Variants in TMEM135 observed in about 807,000 individuals in gnomAD.
TMEM135 encodes transmembrane protein 135, also known as peroxisomal membrane protein 52.
A neutral mutation model predicts 60.3 loss-of-function variants in TMEM135; 30 were observed. That is an observed-to-expected ratio of 0.50 (90% confidence interval 0.37 to 0.68). The LOEUF (loss-of-function observed/expected upper bound fraction) is 0.68, where lower values mean the gene tolerates loss of function less well. Ranked by LOEUF, TMEM135 falls within the 30% of genes least tolerant of loss-of-function variation. TMEM135 has a pLI of 0.00. For missense variants in TMEM135, 468 were observed against 548.8 expected (o/e 0.85, Z 1.47); for synonymous variants, 190 against 186.7 (o/e 1.02, Z -0.14).
At chr11:87,242,420 T>G (rs1238466077) in intron 6 of TMEM135, among the ~76,000 whole-genome samples, 2 of 134,962 alleles carry the variant, frequency 1.5e-5, no homozygotes, top group Non-Finnish European at 3.2e-5. Flanking sequence ...CCCTGAGGAA[T>G]CGCCACACTG....
intron 9 of TMEM135, among the ~76,000 whole-genome samples, chr11:87,306,689 T>A (rs1942549081): frequency 6.6e-6 from 1 of 152,120 alleles, no homozygotes; most frequent in Non-Finnish European, 1.5e-5. Context: ...ATGGCACAGG[T>A]GGCACCACCT....
intron 5 of TMEM135, among the ~76,000 whole-genome samples, chr11:87,190,549 C>T (rs1203989978): frequency 6.6e-6 from 1 of 151,972 alleles, no homozygotes; most frequent in East Asian, 1.9e-4. Context: ...TTGGCAATCA[C>T]TGTGAGACAA....
chr11:87,224,973 C>T (rs1339671470), intron 5 of TMEM135, among the ~76,000 whole-genome samples: 1 of 151,994 alleles, frequency 6.6e-6, no homozygotes, highest in Non-Finnish European at 1.5e-5. Context: ...ATGCTTCTTA[C>T]ATTGCTGTTC....
Position 87,322,582 on chromosome 11 carries a change from G to C in TMEM135, c.*1249G>C. 1 of 453,920 alleles carries C rather than the reference G, an allele frequency of 2.2e-6. No homozygotes were observed. The allele number at this position is 453,920 out of a possible 1,614,324, so 28.1% of individuals were successfully genotyped here. Reference sequence around the variant, plus strand: ...TGGTCTACAGTTAATGTGACATGTAGGGATGATGATATTTTTAAAATACAT... The same window carrying C: ...TGGTCTACAGTTAATGTGACATGTACGGATGATGATATTTTTAAAATACAT... On this transcript the variant is annotated 3_prime_UTR_variant, in exon 15 of 15. Coordinates refer to ENST00000305494, the MANE Select transcript of TMEM135 (RefSeq NM_022918.4).
intron 4 of TMEM135, among the ~76,000 whole-genome samples, chr11:87,110,781 T>TGC (rs1857723293): frequency 6.6e-6 from 1 of 152,048 alleles, no homozygotes; most frequent in Non-Finnish European, 1.5e-5. Context: ...TATGTGTGTG[T>TGC]GTGTGTGTGA....
At chr11:87,268,048 A>G (rs1288251032) in intron 6 of TMEM135, among the ~76,000 whole-genome samples, 1 of 151,812 alleles carries the variant, frequency 6.6e-6, no homozygotes, top group Non-Finnish European at 1.5e-5. Context: ...CAGGATAACT[A>G]AACAAAGTCC....
At chr11:87,082,949 A>T (rs1857022016) in intron 3 of TMEM135, among the ~76,000 whole-genome samples, 1 of 152,230 alleles carries the variant, frequency 6.6e-6, no homozygotes, top group South Asian at 2.1e-4. Context: ...AGGTGAGAAC[A>T]TACAATATGC....
intron 5 of TMEM135, among the ~76,000 whole-genome samples, chr11:87,167,311 G>A (rs183940789): frequency 2.9e-4 from 44 of 152,128 alleles, no homozygotes; most frequent in African/African-American, 5.5e-4. Flanking sequence ...TTCTCTTGCC[G>A]GATTGCCCTG....
chr11:87,319,568 T>C (rs1024115969), intron 14 of TMEM135, among the ~76,000 whole-genome samples, 191 bp downstream of exon 14: 2 of 152,054 alleles, frequency 1.3e-5, no homozygotes, highest in Non-Finnish European at 2.9e-5. Flanking sequence ...GTAGATGTTT[T>C]AAGTGGTCTA....
intron 4 of TMEM135, among the ~76,000 whole-genome samples, chr11:87,103,675 T>C (rs183257917): frequency 2.0e-5 from 3 of 152,166 alleles, no homozygotes; most frequent in East Asian, 3.9e-4. Context: ...TCCTTTTTTT[T>C]TGAGACAGGA....
intron 7 of TMEM135, among the ~76,000 whole-genome samples, chr11:87,297,299 A>G (rs945799984): frequency 6.6e-5 from 10 of 152,226 alleles, no homozygotes; most frequent in African/African-American, 2.4e-4. Flanking sequence ...ATCACATGGC[A>G]TGCAAGGAAA....
intron 1 of TMEM135, among the ~76,000 whole-genome samples, chr11:87,053,059 C>G (rs894790968): frequency 7.6e-6 from 1 of 130,784 alleles, no homozygotes; most frequent in Non-Finnish European, 1.6e-5. Flanking sequence ...TAAACTATCG[C>G]AAGAACAAAA....
intron 9 of TMEM135, among the ~76,000 whole-genome samples, chr11:87,307,888 C>T (rs368876984): frequency 3.3e-5 from 5 of 152,160 alleles, no homozygotes; most frequent in African/African-American, 1.2e-4. Context: ...GTTCCTTATA[C>T]CTGCCAGCCT....
At chr11:87,191,853 T>C (rs1320892781) in intron 5 of TMEM135, among the ~76,000 whole-genome samples, 1 of 152,140 alleles carries the variant, frequency 6.6e-6, no homozygotes, top group Non-Finnish European at 1.5e-5. Flanking sequence ...GGAATAATTT[T>C]AAAGTAGCAT....
chr11:87,068,934 C>T (rs534898597), intron 2 of TMEM135, among the ~76,000 whole-genome samples: 2 of 151,654 alleles, frequency 1.3e-5, no homozygotes, highest in Admixed American at 1.3e-4. Flanking sequence ...GGCTTTTATA[C>T]TATTGAACAA....
chr11:87,174,779 A>G (rs961459352), intron 5 of TMEM135, among the ~76,000 whole-genome samples: 1 of 152,142 alleles, frequency 6.6e-6, no homozygotes, highest in African/African-American at 2.4e-5. Context: ...CCCTTTTGTT[A>G]TAACATTGAT....
chr11:87,286,093 G>T lies in TMEM135; in HGVS notation c.510-9689G>T, dbSNP rs534447681. Reference sequence around the variant, plus strand: ...TGCGTTTACAAACCTTGAGCTAGACGCAGAATGCTGATTGGTGTATTTACG... The same window carrying T: ...TGCGTTTACAAACCTTGAGCTAGACTCAGAATGCTGATTGGTGTATTTACG... On this transcript the variant is annotated intron_variant, in intron 6 of 14. Transcript: ENST00000305494. Among the ~76,000 whole-genome samples the T allele has an allele frequency of 3.6e-4, 53 of 146,238 alleles. No individual in the cohort carries two copies. In the South Asian group the frequency reaches 6.6e-3, roughly 18 times the overall value.
chr11:87,039,054 G>A (rs746847183), intron 1 of TMEM135, among the ~76,000 whole-genome samples: 1 of 152,084 alleles, frequency 6.6e-6, no homozygotes, highest in Non-Finnish European at 1.5e-5. Flanking sequence ...TGTGTCCTAA[G>A]AAGACAGATC....
chr11:87,306,396 T>G (rs1341117198), intron 9 of TMEM135, among the ~76,000 whole-genome samples: 1 of 152,222 alleles, frequency 6.6e-6, no homozygotes, highest in Non-Finnish European at 1.5e-5. Context: ...GGATCAGCAC[T>G]CACACACATA....
Sources: gnomAD v4.1 joint callset for allele counts (sites outside exome capture counted in the v4.1 genomes callset) on GRCh38, gnomAD v4.1.1 for gene constraint, MANE v1.5 for transcripts, NCBI Gene and HGNC (gene_info 2026-07-23, HGNC 2026-07-21) for gene names.